The following TMEM260 variants were observed in gnomAD, a reference collection of about 807,000 sequenced individuals.
The protein encoded by TMEM260 is protein O-mannosyl-transferase TMEM260.
In TMEM260, 82 loss-of-function variants were observed where a neutral mutation model predicts 88.9. That is an observed-to-expected ratio of 0.92 (90% confidence interval 0.77 to 1.11). TMEM260 has a LOEUF of 1.11. Ranked by LOEUF, TMEM260 falls within the 50% of genes least tolerant of loss-of-function variation. TMEM260 has a pLI of 0.00. For synonymous variants in TMEM260, 314 were observed against 309.3 expected (o/e 1.02, Z -0.16); for missense variants, 902 against 853.4 (o/e 1.06, Z -0.71).
At chr14:56,637,444 C>T (rs535488331) in intron 15 of TMEM260, among the ~76,000 whole-genome samples, 2 of 152,284 alleles carry the variant, frequency 1.3e-5, no homozygotes, top group South Asian at 2.1e-4. Flanking sequence ...TTGCACAAAT[C>T]GGTCCTTTCT....
chr14:56,603,810 T>C lies in TMEM260; in HGVS notation c.345-5T>C. 3.7e-6 allele frequency: 6 copies of C among 1,613,790 alleles called. No individual in the cohort carries two copies. Among genetic ancestry groups the C allele is most frequent in the Non-Finnish European group, 5.1e-6 (6 of 1,179,696 alleles). On this transcript the variant is annotated splice_polypyrimidine_tract_variant and splice_region_variant and intron_variant, in intron 3 of 15. Transcript: ENST00000261556. ...AAGAAGATTTCATGTTATCTGTGTTTGCAGGCTTTCTGGCTCATCTGCTGG... is the reference window on the plus strand; with the variant it reads ...AAGAAGATTTCATGTTATCTGTGTTCGCAGGCTTTCTGGCTCATCTGCTGG...
At chr14:56,646,151 C>T (rs960270969) in intron 15 of TMEM260, among the ~76,000 whole-genome samples, 5 of 152,088 alleles carry the variant, frequency 3.3e-5, no homozygotes, top group Non-Finnish European at 7.4e-5. Flanking sequence ...TAAAAGGAAG[C>T]TGGACAACTG....
At chr14:56,580,188 TC>T in intron 1 of TMEM260, 114 bp downstream of exon 1, 1 of 829,676 alleles carries the variant, frequency 1.2e-6, no homozygotes, top group Non-Finnish European at 1.6e-6. Flanking sequence ...TGGGCCTCCA[TC>T]CACCCCCCTG....
At chr14:56,618,801 G>T (rs766125709) in intron 10 of TMEM260, 38 bp downstream of exon 10, 3 of 1,572,682 alleles carry the variant, frequency 1.9e-6, no homozygotes, top group Admixed American at 3.4e-5. Flanking sequence ...TAGCTGTCAA[G>T]CCAGAGATAC....
At chr14:56,625,080 G>T (rs200399114) in intron 11 of TMEM260, among the ~76,000 whole-genome samples, 2 of 152,146 alleles carry the variant, frequency 1.3e-5, no homozygotes, top group East Asian at 3.9e-4. Flanking sequence ...CCTGCTGTGC[G>T]GCCCAGTATG....
chr14:56,580,389 A>G (rs570358853), intron 1 of TMEM260, among the ~76,000 whole-genome samples: 117 of 152,276 alleles, frequency 7.7e-4, no homozygotes, highest in Non-Finnish European at 1.2e-3. Context: ...TTTTTAGTCC[A>G]CAGATATTAT....
intron 15 of TMEM260, among the ~76,000 whole-genome samples, chr14:56,641,986 A>T (rs149398233): frequency 0.022 from 3,398 of 152,326 alleles, 57 homozygotes; most frequent in Non-Finnish European, 0.029. Context: ...CACCCAATAC[A>T]GGAGCACCCA....
intron 12 of TMEM260, among the ~76,000 whole-genome samples, chr14:56,625,825 G>A (rs1888213053): frequency 6.6e-6 from 1 of 152,170 alleles, no homozygotes; most frequent in Non-Finnish European, 1.5e-5. Context: ...ATCATTGCAG[G>A]TGGATGGCAA....
rs1010123986 is a variant in TMEM260, at chr14:56,603,817, T to C, written c.347T>C (p.Leu116Pro). 6.2e-7 allele frequency: 1 copy of C among 1,613,820 alleles called. No individual in the cohort carries two copies. The change falls in exon 4 of 16, where the codon CTT becomes CCT. Residue 116 changes from leucine to proline, a missense_variant and splice_region_variant. Coordinates refer to ENST00000261556, the MANE Select transcript of TMEM260 (RefSeq NM_017799.4). ...TTTCATGTTATCTGTGTTTGCAGGC[T>C]TTCTGGCTCATCTGCTGGAGGAATC... is the stretch of plus-strand genomic sequence containing the variant. ...ASLLFFTVFR[L>P]SGSSAGGILA...
chr14:56,601,249 G>C (rs1181255839), intron 3 of TMEM260, among the ~76,000 whole-genome samples: 2 of 152,132 alleles, frequency 1.3e-5, no homozygotes, highest in African/African-American at 4.8e-5. Flanking sequence ...CTTTCTGAGT[G>C]TAAGAATATG....
At chr14:56,644,028 CA>C (rs1198104834) in intron 15 of TMEM260, among the ~76,000 whole-genome samples, 1 of 152,138 alleles carries the variant, frequency 6.6e-6, no homozygotes, top group East Asian at 1.9e-4. Context: ...AATGGAAGAA[CA>C]TTCCATGCTC....
At position 56,605,652 on chromosome 14, in the gene TMEM260, C is replaced by G. The variant is rs1223560151; in HGVS notation, c.605C>G (p.Pro202Arg). ...ATACTCTATGTTTTGTGCATAATAC[C>G]TTGGATTCTCTTTCAACTTTTAAAA... ...TIILYVLCII[P>R]WILFQLLKKK... The change falls in exon 5 of 16, where the codon CCT becomes CGT. Residue 202 changes from proline (P) to arginine (R), a missense_variant. Coordinates refer to ENST00000261556, the MANE Select transcript of TMEM260 (RefSeq NM_017799.4). 13 of 1,579,970 alleles carry G rather than the reference C, an allele frequency of 8.2e-6. No individual in the cohort carries two copies. The highest frequency in any genetic ancestry group is 1.0e-5 in the Non-Finnish European group (12 of 1,165,476).
rs12880137 is a variant in TMEM260, at chr14:56,611,127, C to T, written c.817-1118C>T. Among the ~76,000 whole-genome samples, 748 of 151,948 alleles carry T rather than the reference C, an allele frequency of 4.9e-3. 6 individuals carry two copies. The highest frequency in any genetic ancestry group is 6.6e-3 in the Non-Finnish European group (449 of 67,952). On this transcript the variant is annotated intron_variant, in intron 6 of 15. Coordinates refer to ENST00000261556, the MANE Select transcript of TMEM260 (RefSeq NM_017799.4). Reference sequence around the variant, plus strand: ...GATTACAGACATGCACCACCATGCCCGGCTAATTTTTTGTGTTTTTAGTAG... The same window carrying T: ...GATTACAGACATGCACCACCATGCCTGGCTAATTTTTTGTGTTTTTAGTAG...
chr14:56,641,630 A>G (rs1052496506), intron 15 of TMEM260, among the ~76,000 whole-genome samples: 6 of 152,218 alleles, frequency 3.9e-5, no homozygotes, highest in African/African-American at 1.2e-4. Context: ...TAACCAGCTA[A>G]TATCATAATG....
At chr14:56,631,360 C>T (rs770693220) in intron 12 of TMEM260, among the ~76,000 whole-genome samples, 8 of 152,096 alleles carry the variant, frequency 5.3e-5, no homozygotes, top group East Asian at 1.9e-4. Context: ...TGGTGACTCA[C>T]GCCTGTAATC....
Position 56,647,483 on chromosome 14 carries a change from A to G in TMEM260, c.2110A>G (p.Arg704Gly). The G allele has an allele frequency of 1.3e-6, 2 of 1,597,810 alleles. No individual in the cohort carries two copies. Among genetic ancestry groups the G allele is most frequent in the Non-Finnish European group, 1.7e-6 (2 of 1,175,230 alleles). The change falls in exon 16 of 16, where the codon AGG becomes GGG. Residue 704 changes from arginine (R) to glycine (G), a missense_variant. Transcript: ENST00000261556. ...LRKELQSLRN[R>G]KNV ...AAAAGAACTGCAAAGTCTGAGAAAT[A>G]GGAAAAATGTCTGAGACAGCAAAAT...
intron 13 of TMEM260, chr14:56,633,383 G>A: frequency 2.4e-6 from 1 of 417,616 alleles, no homozygotes; most frequent in Non-Finnish European, 4.3e-6. Flanking sequence ...GGAGGGAAGA[G>A]GGTGCTGGTT....
intron 12 of TMEM260, among the ~76,000 whole-genome samples, chr14:56,626,254 T>C (rs911817935): frequency 1.3e-5 from 2 of 152,216 alleles, no homozygotes; most frequent in African/African-American, 4.8e-5. Flanking sequence ...TTTGGGTGTT[T>C]AGAGCCTGAA....
At chr14:56,597,181 C>A (rs1326436274) in intron 3 of TMEM260, among the ~76,000 whole-genome samples, 1 of 152,058 alleles carries the variant, frequency 6.6e-6, no homozygotes, top group Non-Finnish European at 1.5e-5. Context: ...GGTTAAACAT[C>A]CCTAATCAAA....
Sources: allele counts gnomAD v4.1 joint callset (sites outside exome capture counted in the v4.1 genomes callset), GRCh38; gene constraint gnomAD v4.1.1; transcripts MANE v1.5; gene names NCBI Gene and HGNC (gene_info 2026-07-23, HGNC 2026-07-21).